The following EPB41L2 variants were observed in gnomAD, a reference collection of about 807,000 sequenced individuals.
EPB41L2 encodes band 4.1-like protein 2.
EPB41L2 carries 43 observed loss-of-function variants against 113.0 expected under a neutral mutation model. That is an observed-to-expected ratio of 0.38 (90% CI 0.30 to 0.49). EPB41L2 has a LOEUF of 0.49. Among genes scored for constraint, EPB41L2 ranks in the 20% least tolerant of loss-of-function variants. EPB41L2 has a pLI of 0.95. For synonymous variants in EPB41L2, 442 were observed against 436.7 expected, an observed-to-expected ratio of 1.01 and a Z score of -0.15; for missense variants, 1,147 against 1,223.4, an observed-to-expected ratio of 0.94 and a Z score of 0.93.
At chr6:131,053,241 TA>T (rs139130581) in intron 1 of EPB41L2, among the ~76,000 whole-genome samples, 50 of 148,578 alleles carry the variant, frequency 3.4e-4, no homozygotes, top group African/African-American at 9.9e-4. Flanking sequence ...TCTGAAACTT[TA>T]AAAAAAAAAT....
intron 10 of EPB41L2, among the ~76,000 whole-genome samples, chr6:130,891,504 A>C (rs1050095329): frequency 6.6e-6 from 1 of 152,126 alleles, no homozygotes; most frequent in Non-Finnish European, 1.5e-5. Context: ...GCTAGAGTGC[A>C]GTGTTGCAAT....
At chr6:130,954,436 T>C (rs1427110124) in intron 3 of EPB41L2, among the ~76,000 whole-genome samples, 1 of 152,158 alleles carries the variant, frequency 6.6e-6, no homozygotes, top group Non-Finnish European at 1.5e-5. Flanking sequence ...GCAATGATAA[T>C]ATCTACCTTT....
At chr6:130,884,462 G>C (rs554548791) in intron 12 of EPB41L2, among the ~76,000 whole-genome samples, 4 of 152,194 alleles carry the variant, frequency 2.6e-5, no homozygotes, top group African/African-American at 9.7e-5. Context: ...ACAGAAAAGA[G>C]ATCTGAAGAA....
chr6:130,878,227 G>A lies in EPB41L2; in HGVS notation c.1920C>T (p.Asp640=). The change falls in exon 14 of 20, where the codon GAC becomes GAT. Residue 640 remains aspartate, a synonymous_variant. Coordinates refer to ENST00000337057, the MANE Select transcript of EPB41L2 (RefSeq NM_001431.4). ...MLEELDKAQE[D]ILKHQASISE... is the part of the protein sequence containing the mutation. The stretch of plus-strand genomic sequence containing the variant: ...TAATGCTAGCCTGATGTTTCAGTAT[G>A]TCCTCCTGGGCCTTATCCAGTTCCT... 1 of 1,612,536 alleles carries A rather than the reference G, an allele frequency of 6.2e-7. No individual in the cohort carries two copies. The highest frequency in any genetic ancestry group is 8.5e-7 in the Non-Finnish European group (1 of 1,179,432).
chr6:130,989,824 A>G (rs1014907050), intron 1 of EPB41L2, among the ~76,000 whole-genome samples: 1 of 152,212 alleles, frequency 6.6e-6, no homozygotes, highest in Non-Finnish European at 1.5e-5. Flanking sequence ...ATATTCAGTT[A>G]GTAGAATGGT....
At chr6:131,029,332 C>G (rs1413707497) in intron 1 of EPB41L2, among the ~76,000 whole-genome samples, 1 of 134,634 alleles carries the variant, frequency 7.4e-6, no homozygotes, top group Non-Finnish European at 1.6e-5. Flanking sequence ...AAAAGCATAA[C>G]AGTTTAGGGT....
At chr6:131,017,806 A>G (rs1282655937) in intron 1 of EPB41L2, among the ~76,000 whole-genome samples, 1 of 152,172 alleles carries the variant, frequency 6.6e-6, no homozygotes, top group Non-Finnish European at 1.5e-5. Context: ...ATCTTCCCCA[A>G]CACTGGTATT....
chr6:131,035,568 T>C (rs1793129334), intron 1 of EPB41L2, among the ~76,000 whole-genome samples: 1 of 152,234 alleles, frequency 6.6e-6, no homozygotes, highest in Non-Finnish European at 1.5e-5. Context: ...GTAGAAAATT[T>C]AAAGACATTT....
chr6:131,000,234 T>C (rs75552584), intron 1 of EPB41L2, among the ~76,000 whole-genome samples: 198 of 152,212 alleles, frequency 1.3e-3, no homozygotes, highest in African/African-American at 4.5e-3. Context: ...GAGGATCTTC[T>C]TCCTTCACTG....
At chr6:131,022,782 T>C (rs1789801952) in intron 1 of EPB41L2, among the ~76,000 whole-genome samples, 1 of 152,346 alleles carries the variant, frequency 6.6e-6, no homozygotes, top group Middle Eastern at 3.4e-3. Context: ...AAACTGTAAA[T>C]AATACCATTG....
Position 130,887,878 on chromosome 6 carries a change from G to A in EPB41L2, c.1660+2416C>T, listed in dbSNP as rs571748068. Reference sequence around the variant, plus strand: ...TGGTTGTTGGTTCTCTTAAATGACTGATTTGTCTTCTTTGGGGTTTGATTT... The same window carrying A: ...TGGTTGTTGGTTCTCTTAAATGACTAATTTGTCTTCTTTGGGGTTTGATTT... On this transcript the variant is annotated intron_variant, in intron 11 of 19. Coordinates refer to ENST00000337057, the MANE Select transcript of EPB41L2 (RefSeq NM_001431.4). Among the ~76,000 whole-genome samples, 6 of 152,122 alleles carry A rather than the reference G, an allele frequency of 3.9e-5. No individual in the cohort carries two copies. In the South Asian group the frequency reaches 1.0e-3, roughly 26 times the overall value.
intron 5 of EPB41L2, among the ~76,000 whole-genome samples, chr6:130,907,942 C>T (rs1437506938): frequency 6.6e-6 from 1 of 152,162 alleles, no homozygotes; most frequent in East Asian, 1.9e-4. Flanking sequence ...GCTCCACAGT[C>T]GAGGAAGGCT....
intron 8 of EPB41L2, among the ~76,000 whole-genome samples, chr6:130,895,926 T>C (rs1349222596): frequency 6.6e-6 from 1 of 152,204 alleles, no homozygotes; most frequent in Non-Finnish European, 1.5e-5. Flanking sequence ...AGATCTAAGA[T>C]GCATGTATTC....
intron 1 of EPB41L2, among the ~76,000 whole-genome samples, chr6:130,986,776 T>C (rs1256395034): frequency 6.6e-6 from 1 of 152,070 alleles, no homozygotes; most frequent in Admixed American, 6.6e-5. Flanking sequence ...TAGTAATGGT[T>C]GAACATTTCA....
At chr6:130,962,901 G>A (rs563099862) in intron 1 of EPB41L2, among the ~76,000 whole-genome samples, 2 of 152,226 alleles carry the variant, frequency 1.3e-5, no homozygotes, top group African/African-American at 4.8e-5. Flanking sequence ...AAATATGCAC[G>A]AAGTCCACTG....
chr6:130,875,588 C>T (rs1045900922), intron 14 of EPB41L2, among the ~76,000 whole-genome samples: 1 of 152,150 alleles, frequency 6.6e-6, no homozygotes, highest in African/African-American at 2.4e-5. Context: ...ATGTCATCTC[C>T]TCCTGACCAC....
At chr6:130,991,917 A>G (rs1781956237) in intron 1 of EPB41L2, among the ~76,000 whole-genome samples, 1 of 152,124 alleles carries the variant, frequency 6.6e-6, no homozygotes, top group Non-Finnish European at 1.5e-5. Flanking sequence ...TTTCTCTTGG[A>G]TCTAAACATA....
intron 19 of EPB41L2, among the ~76,000 whole-genome samples, chr6:130,844,066 T>C (rs1437796556): frequency 6.6e-6 from 1 of 152,210 alleles, no homozygotes; most frequent in Non-Finnish European, 1.5e-5. Flanking sequence ...AAAAAGCATT[T>C]GACAGAAAAT....
At chr6:130,954,998 C>G (rs1816912679) in intron 3 of EPB41L2, 107 bp downstream of exon 3, 1 of 944,226 alleles carries the variant, frequency 1.1e-6, no homozygotes, top group Non-Finnish European at 1.7e-6. Context: ...TAGTGCAAAA[C>G]TGTAATCAAC....
Sources: gnomAD v4.1 joint callset for allele counts (sites outside exome capture counted in the v4.1 genomes callset) on GRCh38, gnomAD v4.1.1 for gene constraint, MANE v1.5 for transcripts, NCBI Gene and HGNC (gene_info 2026-07-23, HGNC 2026-07-21) for gene names.